Variants in CSMD1 observed in about 807,000 individuals in gnomAD.
The protein encoded by CSMD1 is CUB and sushi domain-containing protein 1.
A neutral mutation model predicts 417.5 loss-of-function variants in CSMD1; 213 were observed. That is an observed-to-expected ratio of 0.51 (90% CI 0.46 to 0.57). The LOEUF is 0.57. Among genes scored for constraint, CSMD1 ranks in the 20% least tolerant of loss-of-function variants. The pLI is 0.00. For synonymous variants in CSMD1, 2,862 were observed against 1,736.8 expected (o/e 1.65, Z -16.11); for missense variants, 6,923 against 4,529.7 (o/e 1.53, Z -15.17).
chr8:4,695,973 G>A (rs913933541), intron 1 of CSMD1, among the ~76,000 whole-genome samples: 2 of 152,172 alleles, frequency 1.3e-5, no homozygotes, highest in African/African-American at 4.8e-5. Context: ...TTGGGTTCCG[G>A]AGGGAGAATG....
intron 5 of CSMD1, among the ~76,000 whole-genome samples, chr8:3,874,407 A>T (rs962254346): frequency 6.6e-6 from 1 of 152,184 alleles, no homozygotes; most frequent in Non-Finnish European, 1.5e-5. Context: ...TACAGTCATT[A>T]TAGGTTTTAT....
At chr8:4,029,962 C>G (rs748416289) in intron 4 of CSMD1, among the ~76,000 whole-genome samples, 20 of 152,194 alleles carry the variant, frequency 1.3e-4, no homozygotes, top group African/African-American at 3.6e-4. Context: ...AATCTTAAAG[C>G]TCCAAAATCA....
At chr8:4,335,294 C>G (rs971117550) in intron 3 of CSMD1, among the ~76,000 whole-genome samples, 57 of 152,102 alleles carry the variant, frequency 3.7e-4, no homozygotes, top group African/African-American at 1.3e-3. Context: ...GTCCTACTAC[C>G]ATAACCGGGA....
chr8:3,693,417 A>C (rs1352268446), intron 7 of CSMD1, among the ~76,000 whole-genome samples: 2 of 152,144 alleles, frequency 1.3e-5, no homozygotes, highest in African/African-American at 2.4e-5. Flanking sequence ...GGATAGGCTG[A>C]CAATTGTGGG....
intron 3 of CSMD1, among the ~76,000 whole-genome samples, chr8:4,341,954 A>G (rs1800501966): frequency 6.6e-6 from 1 of 152,106 alleles, no homozygotes; most frequent in Non-Finnish European, 1.5e-5. Context: ...GGACTGACAC[A>G]TATTACCCTG....
At chr8:4,059,599 G>C (rs1206604551) in intron 3 of CSMD1, among the ~76,000 whole-genome samples, 1 of 151,754 alleles carries the variant, frequency 6.6e-6, no homozygotes, top group Non-Finnish European at 1.5e-5. Flanking sequence ...AATAAAAAAT[G>C]ATAAAGGGGA....
At chr8:3,485,147 C>G (rs1030560142) in intron 11 of CSMD1, among the ~76,000 whole-genome samples, 6 of 152,156 alleles carry the variant, frequency 3.9e-5, no homozygotes, top group African/African-American at 1.2e-4. Context: ...TAGTCAAATA[C>G]TAGAAGCAAT....
chr8:3,484,564 C>T (rs538245088), intron 11 of CSMD1, among the ~76,000 whole-genome samples: 3 of 152,262 alleles, frequency 2.0e-5, no homozygotes, highest in South Asian at 4.1e-4. Flanking sequence ...AAGCACTGGC[C>T]TTTATGGGAA....
intron 30 of CSMD1, among the ~76,000 whole-genome samples, chr8:3,211,147 T>C (rs1244003236): frequency 6.6e-6 from 1 of 152,134 alleles, no homozygotes; most frequent in East Asian, 1.9e-4. Flanking sequence ...AGAGCTCAAG[T>C]GATACTCCCA....
intron 7 of CSMD1, among the ~76,000 whole-genome samples, chr8:3,625,308 A>G (rs1796439828): frequency 6.6e-6 from 1 of 152,216 alleles, no homozygotes; most frequent in African/African-American, 2.4e-5. Context: ...GTATTGTTTT[A>G]GATCTCATAC....
intron 1 of CSMD1, among the ~76,000 whole-genome samples, chr8:4,912,995 G>A (rs1036888683): frequency 6.6e-6 from 1 of 152,056 alleles, no homozygotes. Context: ...TACCGTGTTG[G>A]CCAGGATAGT....
chr8:4,520,177 C>G (rs929331540), intron 2 of CSMD1, among the ~76,000 whole-genome samples: 2 of 152,014 alleles, frequency 1.3e-5, no homozygotes, highest in African/African-American at 4.8e-5. Flanking sequence ...GCTCTGTTTC[C>G]AAACTCATAA....
intron 36 of CSMD1, among the ~76,000 whole-genome samples, chr8:3,187,352 G>C (rs540175189): frequency 6.6e-6 from 1 of 152,306 alleles, no homozygotes; most frequent in African/African-American, 2.4e-5. Context: ...TTGGAGAGCA[G>C]ACTCGTCAAG....
intron 2 of CSMD1, among the ~76,000 whole-genome samples, chr8:4,495,247 C>T (rs1053543416): frequency 6.6e-6 from 1 of 152,142 alleles, no homozygotes; most frequent in African/African-American, 2.4e-5. Context: ...TACCTGAAAA[C>T]TATAAATTGC....
At chr8:3,488,761 G>T (rs1318817547) in intron 11 of CSMD1, among the ~76,000 whole-genome samples, 2 of 152,122 alleles carry the variant, frequency 1.3e-5, no homozygotes, top group African/African-American at 2.4e-5. Context: ...CAAGAACAGG[G>T]TTCAAACAGT....
chr8:3,253,773 C>T (rs1402508936), intron 26 of CSMD1, among the ~76,000 whole-genome samples: 1 of 152,108 alleles, frequency 6.6e-6, no homozygotes, highest in Non-Finnish European at 1.5e-5. Context: ...TGTGTCTCTG[C>T]AGGTGAGATG....
rs548834555 is a variant in CSMD1, at chr8:3,288,928, A to G, written c.3951-4582T>C. 5.4e-5 allele frequency among the ~76,000 whole-genome samples: 8 copies of G among 146,916 alleles called. No homozygotes were observed. The South Asian group carries it at 1.7e-3, about 31-fold the overall frequency. On this transcript the variant is annotated intron_variant, in intron 25 of 69. Transcript: ENST00000635120. The stretch of plus-strand genomic sequence containing the variant: ...GCCATGCTGGTGTGCTACACCCATT[A>G]ACTCATCATTTAACATTAGGTATAT...
At chr8:4,024,611 G>C (rs1203562438) in intron 4 of CSMD1, among the ~76,000 whole-genome samples, 1 of 152,106 alleles carries the variant, frequency 6.6e-6, no homozygotes, top group East Asian at 1.9e-4. Flanking sequence ...CATTTCTTAA[G>C]GTTCTTTGAG....
At chr8:3,969,316 C>G (rs1252635647) in intron 5 of CSMD1, among the ~76,000 whole-genome samples, 1 of 152,102 alleles carries the variant, frequency 6.6e-6, no homozygotes, top group Non-Finnish European at 1.5e-5. Context: ...AAGGGCTTCC[C>G]AGGCCCATGC....
Sources: allele counts gnomAD v4.1 joint callset (sites outside exome capture counted in the v4.1 genomes callset), GRCh38; gene constraint gnomAD v4.1.1; transcripts MANE v1.5; gene names NCBI Gene and HGNC (gene_info 2026-07-23, HGNC 2026-07-21).